HIP1: variants seen among roughly 807,000 people sequenced by gnomAD.
HIP1 encodes huntingtin-interacting protein 1.
A neutral mutation model predicts 147.6 loss-of-function variants in HIP1; 65 were observed. That is an observed-to-expected ratio of 0.44 (90% CI 0.36 to 0.54). The LOEUF is 0.54. HIP1 is among the 20% of genes least tolerant of loss of function. The pLI is 0.00. For synonymous variants in HIP1, 479 were observed against 504.0 expected (o/e 0.95, Z 0.67); for missense variants, 1,061 against 1,299.6 (o/e 0.82, Z 2.82).
chr7:75,629,175 C>T (rs1390419395), intron 1 of HIP1, among the ~76,000 whole-genome samples: 1 of 152,222 alleles, frequency 6.6e-6, no homozygotes, highest in African/African-American at 2.4e-5. Flanking sequence ...GTTTGCAACT[C>T]CCACACTTAT....
intron 8 of HIP1, among the ~76,000 whole-genome samples, chr7:75,573,357 G>A (rs1482538788): frequency 7.2e-5 from 11 of 152,234 alleles, no homozygotes; most frequent in East Asian, 5.8e-4. Flanking sequence ...GACAGAGAGC[G>A]GTACCCACTG....
At chr7:75,721,632 C>T (rs1266933887) in intron 1 of HIP1, among the ~76,000 whole-genome samples, 5 of 152,124 alleles carry the variant, frequency 3.3e-5, no homozygotes, top group African/African-American at 1.2e-4. Flanking sequence ...AGTTGTGCAA[C>T]GCTCAGCCTG....
At chr7:75,677,314 C>T (rs952677109) in intron 1 of HIP1, among the ~76,000 whole-genome samples, 80 of 151,582 alleles carry the variant, frequency 5.3e-4, no homozygotes, top group Admixed American at 2.5e-3. Flanking sequence ...TCAAAAAAGA[C>T]AAGCCTTTCA....
intron 1 of HIP1, among the ~76,000 whole-genome samples, chr7:75,636,224 G>A (rs953204281): frequency 7.3e-5 from 11 of 151,524 alleles, no homozygotes; most frequent in East Asian, 1.9e-4. Context: ...GGGGGCGCGC[G>A]CCTGTAGTCC....
At chr7:75,709,412 C>A (rs1359683877) in intron 1 of HIP1, among the ~76,000 whole-genome samples, 2 of 152,014 alleles carry the variant, frequency 1.3e-5, no homozygotes, top group Non-Finnish European at 2.9e-5. Flanking sequence ...CTCACCCGGC[C>A]CCAGTATTTT....
rs558739077 is a variant in HIP1 at position 75,693,201 on chromosome 7, G to A, written c.120+45600C>T. Among the ~76,000 whole-genome samples the A allele has an allele frequency of 2.4e-4, 36 of 151,810 alleles. 1 individual carries two copies. The South Asian group carries it at 6.9e-3, about 29-fold the overall frequency. On this transcript the variant is annotated intron_variant, in intron 1 of 30. Coordinates refer to ENST00000336926, the MANE Select transcript of HIP1 (RefSeq NM_005338.7). ...AAAAATTATGATGCAAATTGCAAAC[G>A]GCATTCGAAACAGGACTAAGTGAAA...
intron 1 of HIP1, among the ~76,000 whole-genome samples, chr7:75,693,573 A>G (rs1214355227): frequency 6.6e-6 from 1 of 152,090 alleles, no homozygotes; most frequent in African/African-American, 2.4e-5. Context: ...GGTATGAAAT[A>G]ACAGACTAAA....
Position 75,621,914 on chromosome 7 carries a change from G to A in HIP1, c.121-22667C>T, listed in dbSNP as rs1223409062. Among the ~76,000 whole-genome samples, 3 of 152,170 alleles carry A rather than the reference G, an allele frequency of 2.0e-5. No individual in the cohort carries two copies. The East Asian group carries it at 5.8e-4, about 29-fold the overall frequency. ...GGAGAGTTGGTTTGGGGCTAGGTTA[G>A]ACATGACACACCCACCAGGTATCCC... On this transcript the variant is annotated intron_variant, in intron 1 of 30. Transcript: ENST00000336926.
chr7:75,656,454 A>C (rs2705834), intron 1 of HIP1, among the ~76,000 whole-genome samples: 78,809 of 149,908 alleles, frequency 0.53, 21,898 homozygotes, highest in African/African-American at 0.71. Context: ...AAAAGAAAAT[A>C]TGTTTCCAAC....
intron 1 of HIP1, among the ~76,000 whole-genome samples, chr7:75,679,639 G>A (rs1800000433): frequency 6.6e-6 from 1 of 151,562 alleles, no homozygotes; most frequent in Non-Finnish European, 1.5e-5. Context: ...ACCTCCATGG[G>A]CCAGGCTTTC....
At chr7:75,680,921 G>T (rs186946390) in intron 1 of HIP1, among the ~76,000 whole-genome samples, 1 of 152,020 alleles carries the variant, frequency 6.6e-6, no homozygotes, top group South Asian at 2.1e-4. Context: ...GACTACAGGC[G>T]CCCACCACCA....
At chr7:75,613,679 G>A (rs1016917652) in intron 1 of HIP1, among the ~76,000 whole-genome samples, 9 of 152,274 alleles carry the variant, frequency 5.9e-5, no homozygotes, top group East Asian at 1.9e-4. Flanking sequence ...CTCCCACACC[G>A]TGCTGCCTTC....
In HIP1 at chr7:75,535,697, G is replaced by A. The variant is rs1167829; in HGVS notation, c.*2475C>T. On this transcript the variant is annotated 3_prime_UTR_variant, in exon 31 of 31. Transcript: ENST00000336926. ...TTAATTTGATCCATTACACTAGACT[G>A]TTTGCCCCATTTGTAATTTTTTTTT... The A allele has an allele frequency of 0.17, 30,454 of 175,892 alleles. 3,068 individuals are homozygous for A. Among genetic ancestry groups the A allele is most frequent in the Middle Eastern group, 0.27 (121 of 446 alleles). 10.9% of individuals were successfully genotyped at this position (175,892 alleles called of 1,614,324 possible).
chr7:75,545,333 A>G, intron 25 of HIP1, 145 bp from the exon 26 acceptor site: 1 of 636,014 alleles, frequency 1.6e-6, no homozygotes, highest in Non-Finnish European at 2.7e-6. Context: ...AAAAAGAAGA[A>G]GATTCAGAGA....
At chr7:75,636,102 G>T (rs1313329159) in intron 1 of HIP1, among the ~76,000 whole-genome samples, 1 of 151,410 alleles carries the variant, frequency 6.6e-6, no homozygotes, top group Non-Finnish European at 1.5e-5. Context: ...AGCACTTTGG[G>T]AGGCTGAGGT....
chr7:75,652,794 T>G (rs1799037839), intron 1 of HIP1, among the ~76,000 whole-genome samples: 1 of 152,228 alleles, frequency 6.6e-6, no homozygotes, highest in Non-Finnish European at 1.5e-5. Flanking sequence ...GAAAGTCATA[T>G]TCACAATCGA....
intron 1 of HIP1, among the ~76,000 whole-genome samples, chr7:75,653,445 G>A (rs1355732942): frequency 6.6e-6 from 1 of 151,918 alleles, no homozygotes. Context: ...TTAAGGCCAG[G>A]AGTTCGAGAC....
chr7:75,554,880 T>C (rs781959507), intron 19 of HIP1, among the ~76,000 whole-genome samples: 6 of 151,256 alleles, frequency 4.0e-5, no homozygotes, highest in African/African-American at 1.2e-4. Flanking sequence ...TCCTGGGCAA[T>C]AGAGTGAGAC....
chr7:75,666,436 C>T (rs1039251536), intron 1 of HIP1, among the ~76,000 whole-genome samples: 4 of 152,108 alleles, frequency 2.6e-5, no homozygotes, highest in Non-Finnish European at 5.9e-5. Context: ...TCCCAAAGTG[C>T]TGGGATTACA....
Sources: allele counts gnomAD v4.1 joint callset (sites outside exome capture counted in the v4.1 genomes callset), GRCh38; gene constraint gnomAD v4.1.1; transcripts MANE v1.5; gene names NCBI Gene and HGNC (gene_info 2026-07-23, HGNC 2026-07-21).